The following SMARCA2 variants were observed in gnomAD, a reference collection of about 807,000 sequenced individuals.
SMARCA2 encodes the protein SWI/SNF related BAF chromatin remodeling complex subunit ATPase 2.
SMARCA2 carries 61 observed loss-of-function variants against 199.8 expected under a neutral mutation model. The ratio of observed to expected loss-of-function variants is 0.31; its 90% CI spans 0.25 to 0.38. The LOEUF (loss-of-function observed/expected upper bound fraction) is 0.38. Ranked by LOEUF, SMARCA2 falls within the 10% of genes least tolerant of loss-of-function variation. The probability of loss-of-function intolerance (pLI) is 1.00; values close to 1 mark genes in which losing one functional copy is unlikely to be tolerated. For missense variants in SMARCA2, 1,344 were observed against 2,012.2 expected (o/e 0.67, Z 6.35); for synonymous variants, 935 against 732.0 (o/e 1.28, Z -4.48).
chr9:2,129,272 G>T (rs1385874207), intron 27 of SMARCA2, among the ~76,000 whole-genome samples: 1 of 152,152 alleles, frequency 6.6e-6, no homozygotes, highest in Non-Finnish European at 1.5e-5. Context: ...CAAAAAATTA[G>T]CCGGGCGTGG....
rs1819150448 is a variant in SMARCA2, at chr9:2,033,147, A to G, written c.355+66A>G. The stretch of plus-strand genomic sequence containing the variant: ...AGTCTTTCAGTCTTTCCTGTTGGAT[A>G]TTTTAATTATGAATTCCAAAGAATG... On this transcript the variant is annotated intron_variant, in intron 3 of 33. Coordinates refer to ENST00000349721, the MANE Select transcript of SMARCA2 (RefSeq NM_003070.5). 1.8e-5 allele frequency: 27 copies of G among 1,542,462 alleles called. 1 individual carries two copies. In the South Asian group the frequency reaches 3.1e-4, roughly 18 times the overall value.
intron 12 of SMARCA2, among the ~76,000 whole-genome samples, chr9:2,074,682 C>T (rs1053855113): frequency 5.9e-5 from 9 of 152,288 alleles, no homozygotes; most frequent in African/African-American, 2.2e-4. Flanking sequence ...GCCTGGGCAA[C>T]ATGGTGAAAC....
intron 4 of SMARCA2, chr9:2,041,588 T>G (rs10964533): frequency 0.12 from 48,247 of 393,614 alleles, 4,542 homozygotes; most frequent in East Asian, 0.42. Context: ...ATATGAATTT[T>G]GAGGGGACCA....
Position 2,087,410 on chromosome 9 carries a change from C to G in SMARCA2, c.2769+339C>G, listed in dbSNP as rs145652765. The G allele has an allele frequency of 3.0e-3, 643 of 214,400 alleles. 4 individuals carry two copies. Among genetic ancestry groups the G allele is most frequent in the African/African-American group, 0.014 (593 of 43,918 alleles). 13.3% of individuals were successfully genotyped at this position (214,400 alleles called of 1,614,324 possible). On this transcript the variant is annotated intron_variant, in intron 18 of 33. Transcript: ENST00000349721. ...ATTTTGCTGAAGTAATTTAACCAGA[C>G]CAAATTAACCAACTAAATACAAGCT...
chr9:2,191,392 A>T lies in SMARCA2; in HGVS notation c.4721A>T (p.Glu1574Val). 1.2e-6 allele frequency: 2 copies of T among 1,614,184 alleles called. No individual in the cohort carries two copies. Among genetic ancestry groups the T allele is most frequent in the South Asian group, 2.2e-5 (2 of 91,086 alleles). The change falls in exon 33 of 34, where the codon GAG (glutamate) becomes GTG (valine). Residue 1574 changes from glutamate (E) to valine (V), a missense_variant. Glu to Val is a moderately radical substitution (Grantham distance 121, BLOSUM62 -2). Transcript: ENST00000349721. ...KPVVSDFDSD[E>V]EQDEREQSEG... ...GTAGTGAGCGATTTTGACAGCGATG[A>T]GGAGCAGGATGAACGTGTAAGTGTA...
intron 31 of SMARCA2, among the ~76,000 whole-genome samples, chr9:2,185,747 G>T (rs942854818): frequency 6.6e-6 from 1 of 152,144 alleles, no homozygotes; most frequent in African/African-American, 2.4e-5. Context: ...AAAGAAGATT[G>T]CTTTACCACA....
At chr9:2,182,497 TTTTTTTTTCC>T (rs1227137515) in intron 31 of SMARCA2, among the ~76,000 whole-genome samples, 49 of 114,686 alleles carry the variant, frequency 4.3e-4, no homozygotes, top group African/African-American at 2.2e-3. Flanking sequence ...TTTTTTTTTT[TTTTTTTTTCC>T]TTTTTTGAGG....
chr9:2,047,581 CTG>C (rs1223881202), intron 5 of SMARCA2, 97 bp downstream of exon 5: 12 of 1,182,444 alleles, frequency 1.0e-5, no homozygotes, highest in Non-Finnish European at 1.2e-5. Context: ...GTTGGCCAAA[CTG>C]TGATTTTCAC....
At position 2,016,307 on chromosome 9, in the gene SMARCA2, C is replaced by T. The variant is rs889185116; in HGVS notation, c.-37+903C>T. On this transcript the variant is annotated intron_variant, in intron 1 of 33. Coordinates refer to ENST00000349721, the MANE Select transcript of SMARCA2 (RefSeq NM_003070.5). This position sits in a 1 kb window ranked among gnomAD's most constrained non-coding sequence, Gnocchi z 5.6. Reference sequence around the variant, plus strand: ...CTGGTACCTGGCGGCAGCGCAGGCTCGGGTGTTAAAGTTCGGGATGTCCGG... The same window carrying T: ...CTGGTACCTGGCGGCAGCGCAGGCTTGGGTGTTAAAGTTCGGGATGTCCGG... The T allele has an allele frequency of 4.6e-5, 7 of 152,420 alleles. No homozygotes were observed. The highest frequency in any genetic ancestry group is 1.2e-4 in the African/African-American group (5 of 41,422). The allele number at this position is 152,420 out of a possible 1,614,324, so 9.4% of individuals were successfully genotyped here.
intron 27 of SMARCA2, among the ~76,000 whole-genome samples, chr9:2,125,750 A>G (rs1823660296): frequency 6.6e-6 from 1 of 152,150 alleles, no homozygotes; most frequent in Non-Finnish European, 1.5e-5. Context: ...TTGGCCTCCC[A>G]AAGTGCTGGG....
At chr9:2,023,256 C>G (rs1818683848) in intron 1 of SMARCA2, among the ~76,000 whole-genome samples, 1 of 152,142 alleles carries the variant, frequency 6.6e-6, no homozygotes, top group Non-Finnish European at 1.5e-5. Context: ...GCCTCACAGC[C>G]TTTGCCAGGT....
intron 27 of SMARCA2, among the ~76,000 whole-genome samples, chr9:2,139,444 C>T (rs2130680161): frequency 6.6e-6 from 1 of 152,286 alleles, no homozygotes; most frequent in Non-Finnish European, 1.5e-5. Context: ...CTGGTCGAGT[C>T]ACCAACACTG....
intron 4 of SMARCA2, chr9:2,044,735 A>T (rs1482917750): frequency 1.3e-5 from 2 of 152,204 alleles, no homozygotes; most frequent in African/African-American, 4.8e-5. Flanking sequence ...TTTTTCTGGG[A>T]AGATACAGGG....
At chr9:2,187,667 ACT>A (rs1491504193) in intron 32 of SMARCA2, among the ~76,000 whole-genome samples, 1 of 151,790 alleles carries the variant, frequency 6.6e-6, no homozygotes, top group Non-Finnish European at 1.5e-5. Context: ...ACAGAACAAA[ACT>A]CTATCTAAAA....
intron 27 of SMARCA2, chr9:2,158,807 C>T: frequency 2.9e-6 from 2 of 685,328 alleles, no homozygotes; most frequent in Non-Finnish European, 4.5e-6. Flanking sequence ...TCTTTATGTG[C>T]GAAAAGCATT....
chr9:2,108,639 A>C, intron 23 of SMARCA2, among the ~76,000 whole-genome samples: 1 of 152,342 alleles, frequency 6.6e-6, no homozygotes, highest in South Asian at 2.1e-4. Context: ...GAGGAGAAAT[A>C]TGTGAACCAT....
At chr9:2,095,326 C>T (rs1056128403) in intron 19 of SMARCA2, among the ~76,000 whole-genome samples, 11 of 152,084 alleles carry the variant, frequency 7.2e-5, no homozygotes, top group South Asian at 2.1e-4. Flanking sequence ...CCTCGTGATT[C>T]GCCCGCCTCG....
chr9:2,038,596 C>T (rs1471259988), intron 3 of SMARCA2, among the ~76,000 whole-genome samples: 1 of 152,172 alleles, frequency 6.6e-6, no homozygotes, highest in African/African-American at 2.4e-5. Context: ...AAGTTATTTA[C>T]TATATATTCT....
intron 27 of SMARCA2, among the ~76,000 whole-genome samples, chr9:2,146,636 A>G (rs111729698): frequency 0.028 from 4,191 of 152,328 alleles, 74 homozygotes; most frequent in Non-Finnish European, 0.045. Flanking sequence ...GGGATAAAGA[A>G]TGGCTACTCC....
Sources: allele counts gnomAD v4.1 joint callset (sites outside exome capture counted in the v4.1 genomes callset), GRCh38; gene constraint gnomAD v4.1.1; non-coding constraint Gnocchi (gnomAD v3.1); transcripts MANE v1.5; gene names NCBI Gene and HGNC (gene_info 2026-07-23, HGNC 2026-07-21).